Variants in PCDHGA5 observed in about 807,000 individuals in gnomAD.
PCDHGA5 encodes the protein protocadherin gamma-A5.
Under a neutral mutation model 56.7 loss-of-function variants are expected in PCDHGA5, and 36 were observed. The observed-to-expected ratio is 0.64, with a 90% confidence interval of 0.49 to 0.84. PCDHGA5 has a LOEUF of 0.84. Among genes scored for constraint, PCDHGA5 ranks in the 40% least tolerant of loss-of-function variants. The pLI is 0.00. For missense variants in PCDHGA5, 1,305 were observed against 1,201.5 expected (o/e 1.09, Z -1.27); for synonymous variants, 563 against 520.2 (o/e 1.08, Z -1.12).
At chr5:141,414,099 A>C in intron 1 of PCDHGA5, 3 of 1,593,504 alleles carry the variant, frequency 1.9e-6, no homozygotes, top group Non-Finnish European at 8.5e-7. Flanking sequence ...TAAAAATATC[A>C]GAAAATCTAG....
At chr5:141,391,495 A>G (rs962883294) in intron 1 of PCDHGA5, 2 of 152,136 alleles carry the variant, frequency 1.3e-5, no homozygotes, top group Non-Finnish European at 2.9e-5. Context: ...TGTTTTCAGT[A>G]GAGAAAATAT....
chr5:141,403,033 G>T (rs764461706), intron 1 of PCDHGA5: 1 of 1,614,056 alleles, frequency 6.2e-7, no homozygotes, highest in Non-Finnish European at 8.5e-7. Flanking sequence ...GGGAGGCCAG[G>T]GCCAGTCAGA....
In PCDHGA5 at chr5:141,432,695, G is replaced by A. The variant is rs1275179569; in HGVS notation, c.2422-62112G>A. ...GCTCAAGCAGAGCCTCGTAGTGGCC[G>A]TCCAGGACCACGGCCAGCCCCCTCT... On this transcript the variant is annotated intron_variant, in intron 1 of 3. Coordinates refer to ENST00000518069, the MANE Select transcript of PCDHGA5 (RefSeq NM_018918.3). This position sits in a 1 kb window ranked among gnomAD's most constrained non-coding sequence, Gnocchi z 6.0. The A allele has an allele frequency of 3.1e-6, 5 of 1,613,822 alleles. No homozygotes were observed. The highest frequency in any genetic ancestry group is 1.7e-5 in the Admixed American group (1 of 60,002).
intron 1 of PCDHGA5, among the ~76,000 whole-genome samples, chr5:141,456,187 A>G (rs989106132): frequency 3.9e-5 from 6 of 152,084 alleles, no homozygotes; most frequent in African/African-American, 1.4e-4. Flanking sequence ...TAATTTCTTA[A>G]TAACTCCTAC....
At chr5:141,420,770 T>G (rs1485978181) in intron 1 of PCDHGA5, among the ~76,000 whole-genome samples, 1 of 152,202 alleles carries the variant, frequency 6.6e-6, no homozygotes, top group Non-Finnish European at 1.5e-5. Flanking sequence ...AGTTTTCAGC[T>G]CCAGTAATAT....
intron 1 of PCDHGA5, chr5:141,377,698 A>G (rs1274163537): frequency 6.6e-6 from 1 of 152,230 alleles, no homozygotes; most frequent in Non-Finnish European, 1.5e-5. Context: ...TTTACTACTT[A>G]GGAATCAAAA....
At position 141,431,828 on chromosome 5, in the gene PCDHGA5, C is replaced by G. The variant is rs750949066; in HGVS notation, c.2422-62979C>G. ...CCTCACCTCTCTCGCCAGCTCGGTTCCCGAAAACTCTCCCAGAGGGACATT... is the reference window on the plus strand; with the variant it reads ...CCTCACCTCTCTCGCCAGCTCGGTTGCCGAAAACTCTCCCAGAGGGACATT... On this transcript the variant is annotated intron_variant, in intron 1 of 3. Coordinates refer to ENST00000518069, the MANE Select transcript of PCDHGA5 (RefSeq NM_018918.3). This position sits in a 1 kb window ranked among gnomAD's most constrained non-coding sequence, Gnocchi z 4.8. The G allele has an allele frequency of 5.6e-6, 9 of 1,610,208 alleles. No homozygotes were observed. Among genetic ancestry groups the G allele is most frequent in the Non-Finnish European group, 1.7e-6 (2 of 1,176,374 alleles).
At chr5:141,387,386 A>G (rs1451460616) in intron 1 of PCDHGA5, among the ~76,000 whole-genome samples, 14 of 152,232 alleles carry the variant, frequency 9.2e-5, no homozygotes, top group Non-Finnish European at 1.5e-5. Flanking sequence ...TTATATAGAT[A>G]GTGCATGTTT....
chr5:141,410,080 G>A (rs758499736), intron 1 of PCDHGA5: 2 of 1,612,672 alleles, frequency 1.2e-6, no homozygotes, highest in African/African-American at 2.7e-5. Context: ...CTGGGGAGGT[G>A]CGCACGGCTC....
chr5:141,506,434 C>A lies in PCDHGA5; in HGVS notation c.2569+953C>A, dbSNP rs139627189. Among the ~76,000 whole-genome samples the A allele has an allele frequency of 8.5e-4, 112 of 131,752 alleles. 2 individuals are homozygous for A. The highest frequency in any genetic ancestry group is 3.3e-3 in the African/African-American group (107 of 32,408). 86.4% of individuals were successfully genotyped at this position (131,752 alleles called of 152,430 possible). ...TGCACTCCAGCCTGGGCAACAGTCT[C>A]GCTCTGTCTCAAAAAAAAAAAAAAA... On this transcript the variant is annotated intron_variant, in intron 3 of 3. Transcript: ENST00000518069.
chr5:141,505,259 C>A, intron 2 of PCDHGA5, 134 bp from the exon 3 acceptor site: 1 of 1,500,262 alleles, frequency 6.7e-7, no homozygotes, highest in Non-Finnish European at 8.9e-7. Context: ...GTGCCTCCTA[C>A]CTTGCTGAGA....
In PCDHGA5 at chr5:141,431,819, A is replaced by C. The variant is rs2097420237; in HGVS notation, c.2422-62988A>C. On this transcript the variant is annotated intron_variant, in intron 1 of 3. Transcript: ENST00000518069. The surrounding 1 kb of genome is among the most constrained non-coding windows in gnomAD (Gnocchi z 4.8). ...AGAAGTGGTCCTCACCTCTCTCGCC[A>C]GCTCGGTTCCCGAAAACTCTCCCAG... 6.2e-7 allele frequency: 1 copy of C among 1,614,154 alleles called. No individual in the cohort carries two copies. Among genetic ancestry groups the C allele is most frequent in the Admixed American group, 1.7e-5 (1 of 60,018 alleles).
At position 141,493,262 on chromosome 5, in the gene PCDHGA5, A is replaced by G. The variant is rs148431133; in HGVS notation, c.2422-1545A>G. ...GGTACTAACATGCCTCTCTTATAAC[A>G]GCTTCACAGAGGTCAAGTGACTTGC... is the stretch of plus-strand genomic sequence containing the variant. On this transcript the variant is annotated intron_variant, in intron 1 of 3. Transcript: ENST00000518069. This position sits in a 1 kb window ranked among gnomAD's most constrained non-coding sequence, Gnocchi z 4.3. 5.1e-4 allele frequency among the ~76,000 whole-genome samples: 78 copies of G among 152,302 alleles called. No homozygotes were observed. Among genetic ancestry groups the G allele is most frequent in the African/African-American group, 1.7e-3 (72 of 41,574 alleles).
chr5:141,415,096 G>A (rs1398998410), intron 1 of PCDHGA5: 3 of 1,613,462 alleles, frequency 1.9e-6, no homozygotes, highest in Non-Finnish European at 2.5e-6. Flanking sequence ...GGACAGAGAC[G>A]CGCTCAAGCA....
At chr5:141,393,721 T>C (rs769235037) in intron 1 of PCDHGA5, 26 of 1,613,752 alleles carry the variant, frequency 1.6e-5, no homozygotes, top group African/African-American at 8.0e-5. Context: ...GAAATATCAA[T>C]AGCAAAAAGT....
chr5:141,366,539 G>A lies in PCDHGA5; in HGVS notation c.2209G>A (p.Ala737Thr). The A allele has an allele frequency of 6.2e-7, 1 of 1,614,248 alleles. No homozygotes were observed. Among genetic ancestry groups the A allele is most frequent in the Non-Finnish European group, 8.5e-7 (1 of 1,180,042 alleles). ...AEGSRLAGVP[A>T]SHFVGVDGVR... is the part of the protein sequence containing the mutation. ...AGGCAGCAGGTTGGCGGGTGTGCCC[G>A]CCTCGCACTTTGTGGGCGTGGATGG... The change falls in exon 1 of 4, where the codon GCC becomes ACC. Residue 737 changes from alanine (A) to threonine (T), a missense_variant. By Grantham distance (58) the Ala-to-Thr change is moderately conservative. Coordinates refer to ENST00000518069, the MANE Select transcript of PCDHGA5 (RefSeq NM_018918.3).
chr5:141,418,928 A>T (rs762769886), intron 1 of PCDHGA5: 1 of 1,613,978 alleles, frequency 6.2e-7, no homozygotes, highest in East Asian at 2.2e-5. Context: ...TGATCAGATT[A>T]TGGAGGATTC....
In PCDHGA5 at chr5:141,371,907, G is replaced by T. The variant is rs776309698; in HGVS notation, c.2421+5156G>T. 9.3e-6 allele frequency: 15 copies of T among 1,613,262 alleles called. No individual in the cohort carries two copies. The highest frequency in any genetic ancestry group is 1.2e-5 in the Non-Finnish European group (14 of 1,179,916). On this transcript the variant is annotated intron_variant, in intron 1 of 3. Coordinates refer to ENST00000518069, the MANE Select transcript of PCDHGA5 (RefSeq NM_018918.3). ...GGAGCCGCGGGAGCTGTCGTCCTAC[G>T]TGTCCGTGAGCGCGCGGAGCGGGGT... is the stretch of plus-strand genomic sequence containing the variant.
chr5:141,430,480 A>G (rs2097288752), intron 1 of PCDHGA5: 1 of 256,116 alleles, frequency 3.9e-6, no homozygotes, highest in Admixed American at 5.4e-5. Context: ...TTAAGATATA[A>G]AAACGAAATA....
Sources: gnomAD v4.1 joint callset for allele counts (sites outside exome capture counted in the v4.1 genomes callset) on GRCh38, gnomAD v4.1.1 for gene constraint, Gnocchi (gnomAD v3.1) non-coding constraint, MANE v1.5 for transcripts, NCBI Gene and HGNC (gene_info 2026-07-23, HGNC 2026-07-21) for gene names.